FOXN2: variants seen among roughly 807,000 people sequenced by gnomAD.
The protein encoded by FOXN2 is forkhead box N2, also known as forkhead box protein N2.
A neutral mutation model predicts 41.2 loss-of-function variants in FOXN2; 19 were observed. The ratio of observed to expected loss-of-function variants is 0.46; its 90% CI spans 0.32 to 0.68. The LOEUF is 0.68. Ranked by LOEUF, FOXN2 falls within the 30% of genes least tolerant of loss-of-function variation. FOXN2 has a pLI of 0.03. For synonymous variants in FOXN2, 195 were observed against 176.8 expected (o/e 1.10, Z -0.82); for missense variants, 587 against 509.4 (o/e 1.15, Z -1.47).
At chr2:48,321,530 C>A (rs1382736292) in intron 1 of FOXN2, among the ~76,000 whole-genome samples, 1 of 151,484 alleles carries the variant, frequency 6.6e-6, no homozygotes, top group Non-Finnish European at 1.5e-5. Context: ...AGCAACACTC[C>A]ATCTCAAAAA....
intron 1 of FOXN2, among the ~76,000 whole-genome samples, chr2:48,316,992 A>G (rs1041638648): frequency 1.3e-5 from 2 of 152,242 alleles, no homozygotes; most frequent in Non-Finnish European, 2.9e-5. Flanking sequence ...AGGGCAGAAA[A>G]GACAATACAA....
chr2:48,340,627 T>A (rs1670692939), intron 2 of FOXN2: 3 of 152,254 alleles, frequency 2.0e-5, no homozygotes, highest in African/African-American at 7.2e-5. Flanking sequence ...CTGGGTTGGT[T>A]TGAACTCTCC....
chr2:48,315,903 A>C (rs1003866645), intron 1 of FOXN2, among the ~76,000 whole-genome samples: 1 of 152,226 alleles, frequency 6.6e-6, no homozygotes, highest in Non-Finnish European at 1.5e-5. Context: ...TTTAGCGTGC[A>C]AAGAAATGAC....
chr2:48,316,150 A>AC (rs1668903782), intron 1 of FOXN2, among the ~76,000 whole-genome samples: 1 of 151,302 alleles, frequency 6.6e-6, no homozygotes, highest in African/African-American at 2.4e-5. Flanking sequence ...GAGAAGCTGA[A>AC]CCATTCATGC....
chr2:48,322,135 A>T (rs889296684), intron 1 of FOXN2, among the ~76,000 whole-genome samples: 1 of 152,096 alleles, frequency 6.6e-6, no homozygotes, highest in Non-Finnish European at 1.5e-5. Context: ...TTTAGTAGAG[A>T]TGGGGTTTCA....
chr2:48,333,808 T>G (rs1670169222), intron 2 of FOXN2, among the ~76,000 whole-genome samples: 1 of 152,172 alleles, frequency 6.6e-6, no homozygotes, highest in Non-Finnish European at 1.5e-5. Context: ...CAGCCCCTCT[T>G]TACTGTAAAT....
intron 5 of FOXN2, among the ~76,000 whole-genome samples, chr2:48,365,280 T>A (rs971618932): frequency 1.3e-5 from 2 of 152,224 alleles, no homozygotes; most frequent in African/African-American, 2.4e-5. Context: ...GGATAGGGGA[T>A]CTGTTTCAAA....
At chr2:48,366,520 C>T (rs1672547810) in intron 5 of FOXN2, among the ~76,000 whole-genome samples, 1 of 151,884 alleles carries the variant, frequency 6.6e-6, no homozygotes. Flanking sequence ...TGATATAGAC[C>T]AGGTAGATGT....
intron 1 of FOXN2, among the ~76,000 whole-genome samples, chr2:48,315,321 A>C (rs1165274127): frequency 6.6e-6 from 1 of 152,032 alleles, no homozygotes; most frequent in Non-Finnish European, 1.5e-5. Flanking sequence ...CCCAGTTGGG[A>C]CTGGCTGGGC....
chr2:48,339,200 C>T (rs190571809), intron 2 of FOXN2, among the ~76,000 whole-genome samples: 3 of 152,092 alleles, frequency 2.0e-5, no homozygotes, highest in Admixed American at 2.0e-4. Flanking sequence ...CAAATTAAAA[C>T]TGCAAGGAGA....
At chr2:48,365,641 AT>A (rs1226161204) in intron 5 of FOXN2, among the ~76,000 whole-genome samples, 2 of 152,158 alleles carry the variant, frequency 1.3e-5, no homozygotes, top group Non-Finnish European at 1.5e-5. Flanking sequence ...ACTTGTACGT[AT>A]TATGCATCAT....
intron 3 of FOXN2, 92 bp downstream of exon 3, chr2:48,346,843 A>G (rs571289015): frequency 9.4e-7 from 1 of 1,063,738 alleles, no homozygotes; most frequent in South Asian, 1.8e-5. Context: ...GGAGACAATA[A>G]GTAGTCAAGT....
intron 1 of FOXN2, among the ~76,000 whole-genome samples, chr2:48,325,011 A>G (rs1278911397): frequency 6.6e-6 from 1 of 152,214 alleles, no homozygotes; most frequent in Non-Finnish European, 1.5e-5. Context: ...ATATAGAGAA[A>G]TGTATTTGAA....
intron 2 of FOXN2, among the ~76,000 whole-genome samples, chr2:48,330,418 A>T (rs896293014): frequency 6.6e-6 from 1 of 152,180 alleles, no homozygotes; most frequent in Non-Finnish European, 1.5e-5. Context: ...AAACATTTGG[A>T]TTTCTGGGCT....
At chr2:48,358,198 T>C (rs1671935473) in intron 3 of FOXN2, among the ~76,000 whole-genome samples, 1 of 148,770 alleles carries the variant, frequency 6.7e-6, no homozygotes. Flanking sequence ...CAAAATTCCC[T>C]CCTCGGTGGA....
chr2:48,353,637 T>C (rs1671604332), intron 3 of FOXN2, among the ~76,000 whole-genome samples: 1 of 150,924 alleles, frequency 6.6e-6, no homozygotes, highest in African/African-American at 2.4e-5. Context: ...TATTATTCAA[T>C]AACCTTTTAA....
Position 48,346,493 on chromosome 2 carries a change from G to A in FOXN2, c.279G>A (p.Val93=). 6.2e-7 allele frequency: 1 copy of A among 1,614,098 alleles called. No homozygotes were observed. The highest frequency in any genetic ancestry group is 1.1e-5 in the South Asian group (1 of 91,078). The change falls in exon 3 of 7, where the codon GTG becomes GTA. Residue 93 remains valine (V), a synonymous_variant. Coordinates refer to ENST00000340553, the MANE Select transcript of FOXN2 (RefSeq NM_002158.4). The stretch of plus-strand genomic sequence containing the variant: ...TGTATGACATAGAGGGAGATGATGT[G>A]CCATCCTTTGGACCAGCTTGCTACC... The part of the protein sequence containing the change: ...SPLYDIEGDD[V]PSFGPACYQN...
intron 2 of FOXN2, among the ~76,000 whole-genome samples, chr2:48,343,599 A>G (rs574786539): frequency 6.6e-6 from 1 of 152,194 alleles, no homozygotes; most frequent in South Asian, 2.1e-4. Flanking sequence ...GTTTCTATAA[A>G]AAAAATTTAA....
chr2:48,313,735 G>T (rs1423068742), upstream of FOXN2, among the ~76,000 whole-genome samples: 1 of 152,154 alleles, frequency 6.6e-6, no homozygotes, highest in Non-Finnish European at 1.5e-5. Context: ...TATCTGTAAA[G>T]TTTCCACTTC....
Sources: gnomAD v4.1 joint callset for allele counts (sites outside exome capture counted in the v4.1 genomes callset) on GRCh38, gnomAD v4.1.1 for gene constraint, MANE v1.5 for transcripts, NCBI Gene and HGNC (gene_info 2026-07-23, HGNC 2026-07-21) for gene names.